The following NRXN3 variants were observed in gnomAD, a reference collection of about 807,000 sequenced individuals.
NRXN3 encodes the protein neurexin 3, also known as neurexin III.
A neutral mutation model predicts 137.6 loss-of-function variants in NRXN3; 32 were observed. The ratio of observed to expected loss-of-function variants is 0.23; its 90% CI spans 0.18 to 0.31. The LOEUF is 0.31. Ranked by LOEUF, NRXN3 falls within the 10% of genes least tolerant of loss-of-function variation. The pLI, the probability that NRXN3 is intolerant of heterozygous loss-of-function variation, is 1.00. For synonymous variants in NRXN3, 798 were observed against 784.5 expected (o/e 1.02, Z -0.29); for missense variants, 1,574 against 2,062.5 (o/e 0.76, Z 4.59).
At chr14:78,575,185 T>C (rs947951857) in intron 4 of NRXN3, among the ~76,000 whole-genome samples, 3 of 152,278 alleles carry the variant, frequency 2.0e-5, no homozygotes, top group South Asian at 2.1e-4. Context: ...GAACTGTGAG[T>C]CAATTAAACC....
chr14:79,802,538 A>C (rs574167827), intron 19 of NRXN3, among the ~76,000 whole-genome samples: 1 of 152,304 alleles, frequency 6.6e-6, no homozygotes, highest in East Asian at 1.9e-4. Flanking sequence ...CCTCAGCCCA[A>C]ACCAAACTTT....
chr14:79,478,609 C>T (rs2096580445), intron 16 of NRXN3, among the ~76,000 whole-genome samples: 1 of 152,048 alleles, frequency 6.6e-6, no homozygotes, highest in East Asian at 1.9e-4. Context: ...ACTATTCTGC[C>T]ACCCTCGTAA....
rs56884066 is a variant in NRXN3 at position 78,734,253 on chromosome 14, A to C, written c.2044+19114A>C. ...CACACACACACACACACACACACACACCCTTTTCATCTTACTAATTCCTAT... is the reference window on the plus strand; with the variant it reads ...CACACACACACACACACACACACACCCCCTTTTCATCTTACTAATTCCTAT... On this transcript the variant is annotated intron_variant, in intron 8 of 20. Transcript: ENST00000335750. Among the ~76,000 whole-genome samples the C allele has an allele frequency of 4.8e-3, 548 of 113,678 alleles. 6 individuals are homozygous for C. The highest frequency in any genetic ancestry group is 0.036 in the East Asian group (117 of 3,246). The allele number at this position is 113,678 out of a possible 152,430, so 74.6% of individuals were successfully genotyped here.
intron 15 of NRXN3, among the ~76,000 whole-genome samples, chr14:79,315,613 A>C (rs966826500): frequency 2.6e-5 from 4 of 152,218 alleles, no homozygotes; most frequent in African/African-American, 9.6e-5. Context: ...GTGCAGAAAA[A>C]TATTACAATA....
chr14:78,710,771 G>A (rs1228376842), intron 7 of NRXN3, among the ~76,000 whole-genome samples: 1 of 152,172 alleles, frequency 6.6e-6, no homozygotes, highest in African/African-American at 2.4e-5. Context: ...GGCAGAGATA[G>A]CAATATTGCC....
At chr14:78,778,680 T>TTCTTTCTTTC (rs2098753300) in intron 8 of NRXN3, among the ~76,000 whole-genome samples, 1 of 77,678 alleles carries the variant, frequency 1.3e-5, no homozygotes, top group African/African-American at 5.4e-5. Context: ...CTCTTTTCTT[T>TTCTTTCTTTC]TCTTTCTTTC....
chr14:78,804,978 C>T (rs1387821262), intron 9 of NRXN3, among the ~76,000 whole-genome samples: 1 of 152,114 alleles, frequency 6.6e-6, no homozygotes. Flanking sequence ...AAATGATGAA[C>T]AAATGTACCA....
At chr14:79,549,782 T>C (rs2097356124) in intron 16 of NRXN3, among the ~76,000 whole-genome samples, 1 of 152,128 alleles carries the variant, frequency 6.6e-6, no homozygotes, top group African/African-American at 2.4e-5. Flanking sequence ...TATGACCTAT[T>C]TAGTGGCCCA....
chr14:79,606,476 T>C (rs1445196313), intron 16 of NRXN3, among the ~76,000 whole-genome samples: 12 of 152,220 alleles, frequency 7.9e-5, no homozygotes, highest in Admixed American at 5.2e-4. Flanking sequence ...GCTGGCATTA[T>C]GTGAGCATGC....
intron 10 of NRXN3, among the ~76,000 whole-genome samples, chr14:78,860,039 T>G (rs7157445): frequency 1.3e-5 from 2 of 152,060 alleles, no homozygotes; most frequent in Non-Finnish European, 2.9e-5. Context: ...TTCCTTTCTC[T>G]TTGACAGTTT....
intron 1 of NRXN3, among the ~76,000 whole-genome samples, chr14:78,194,717 G>A (rs753061358): frequency 9.9e-5 from 15 of 152,192 alleles, no homozygotes; most frequent in Non-Finnish European, 1.5e-4. Flanking sequence ...GGATGGCTAC[G>A]GACAGGTGGC....
At chr14:79,788,706 C>T (rs2099136602) in intron 19 of NRXN3, among the ~76,000 whole-genome samples, 1 of 152,088 alleles carries the variant, frequency 6.6e-6, no homozygotes. Context: ...TTGTCTCCCT[C>T]AAATAGCAAT....
intron 15 of NRXN3, among the ~76,000 whole-genome samples, chr14:79,180,380 C>T (rs1384226501): frequency 6.6e-6 from 1 of 152,094 alleles, no homozygotes; most frequent in African/African-American, 2.4e-5. Flanking sequence ...CCCCATTTTT[C>T]CCCCTTGGCC....
intron 4 of NRXN3, among the ~76,000 whole-genome samples, chr14:78,567,425 G>A (rs189689946): frequency 2.6e-5 from 4 of 152,256 alleles, no homozygotes; most frequent in South Asian, 2.1e-4. Flanking sequence ...CTGTGGGGTC[G>A]CCCTGCTCCA....
intron 20 of NRXN3, chr14:79,853,662 C>G (rs2099396570): frequency 1.5e-6 from 2 of 1,308,744 alleles, no homozygotes; most frequent in Non-Finnish European, 2.0e-6. Flanking sequence ...TGACCCTCCC[C>G]TTCCTGCATC....
At chr14:78,329,467 A>G (rs942138600) in intron 4 of NRXN3, among the ~76,000 whole-genome samples, 33 of 152,052 alleles carry the variant, frequency 2.2e-4, no homozygotes, top group African/African-American at 8.0e-4. Context: ...TTGGATTTGT[A>G]TTTATTTTTC....
chr14:78,842,178 G>T (rs934848139), intron 10 of NRXN3, among the ~76,000 whole-genome samples: 1 of 152,044 alleles, frequency 6.6e-6, no homozygotes, highest in African/African-American at 2.4e-5. Context: ...CATATATTTA[G>T]ATATTTATTT....
intron 2 of NRXN3, among the ~76,000 whole-genome samples, chr14:78,246,959 G>C (rs1321524712): frequency 6.6e-6 from 1 of 152,210 alleles, no homozygotes; most frequent in Non-Finnish European, 1.5e-5. Flanking sequence ...GTCTCAATTT[G>C]CAGTCTAGGC....
rs147996423 is a variant in NRXN3 at position 78,739,015 on chromosome 14, T to C, written c.2044+23876T>C. Among the ~76,000 whole-genome samples the C allele has an allele frequency of 1.6e-4, 25 of 152,322 alleles. 1 individual carries two copies. The East Asian group carries it at 4.6e-3, about 28-fold the overall frequency. ...ATGTGCTTACCACACTGTCTCTGTC[T>C]CTGTCCCAGAGCCTGCCTGTGAACG... is the stretch of plus-strand genomic sequence containing the variant. On this transcript the variant is annotated intron_variant, in intron 8 of 20. Transcript: ENST00000335750.
Sources: allele counts gnomAD v4.1 joint callset (sites outside exome capture counted in the v4.1 genomes callset), GRCh38; gene constraint gnomAD v4.1.1; transcripts MANE v1.5; gene names NCBI Gene and HGNC (gene_info 2026-07-23, HGNC 2026-07-21).